CACNA2D3: variants seen among roughly 807,000 people sequenced by gnomAD.
CACNA2D3 encodes the protein calcium voltage-gated channel auxiliary subunit alpha2delta 3, also known as voltage-dependent calcium channel subunit alpha-2/delta-3.
CACNA2D3 carries 60 observed loss-of-function variants against 160.6 expected under a neutral mutation model. The ratio of observed to expected loss-of-function variants is 0.37; its 90% CI spans 0.30 to 0.46. CACNA2D3 has a LOEUF of 0.46. CACNA2D3 is among the 20% of genes least tolerant of loss of function. The probability of loss-of-function intolerance (pLI) is 1.00; values close to 1 mark genes in which losing one functional copy is unlikely to be tolerated. For missense variants in CACNA2D3, 1,205 were observed against 1,365.0 expected (o/e 0.88, Z 1.85); for synonymous variants, 558 against 492.9 (o/e 1.13, Z -1.75).
chr3:54,982,325 A>T (rs937729011), intron 29 of CACNA2D3, among the ~76,000 whole-genome samples: 5 of 152,168 alleles, frequency 3.3e-5, no homozygotes, highest in African/African-American at 4.8e-5. Flanking sequence ...TTGATCAAGC[A>T]TCTTTGCCTT....
intron 10 of CACNA2D3, among the ~76,000 whole-genome samples, chr3:54,640,231 G>C (rs1343617600): frequency 1.3e-5 from 2 of 152,202 alleles, no homozygotes; most frequent in Non-Finnish European, 2.9e-5. Context: ...GAAGCTAAGT[G>C]AGGGAAGAGA....
chr3:54,681,655 T>A lies in CACNA2D3; in HGVS notation c.1167+39414T>A, dbSNP rs146424379. 1.1e-4 allele frequency among the ~76,000 whole-genome samples: 16 copies of A among 152,202 alleles called. No homozygotes were observed. In the East Asian group the frequency reaches 3.1e-3, roughly 29 times the overall value. The stretch of plus-strand genomic sequence containing the variant: ...GTTGGATCTGTGGAGAAAAGTATTT[T>A]AACATTTAAATGTCTATGTGATGCA... On this transcript the variant is annotated intron_variant, in intron 11 of 37. Transcript: ENST00000474759.
chr3:54,738,315 A>G (rs1434141659), intron 11 of CACNA2D3, among the ~76,000 whole-genome samples: 1 of 152,176 alleles, frequency 6.6e-6, no homozygotes, highest in Non-Finnish European at 1.5e-5. Context: ...TTACTCTTCT[A>G]GGAAAAGCTC....
At chr3:54,478,989 C>G (rs1700888676) in intron 4 of CACNA2D3, among the ~76,000 whole-genome samples, 1 of 150,488 alleles carries the variant, frequency 6.6e-6, no homozygotes, top group Non-Finnish European at 1.5e-5. Flanking sequence ...TGGCTATATC[C>G]CCACCCAGAT....
chr3:54,503,093 C>T (rs1401492067), intron 4 of CACNA2D3, among the ~76,000 whole-genome samples: 2 of 152,210 alleles, frequency 1.3e-5, no homozygotes, highest in Non-Finnish European at 2.9e-5. Context: ...TTTTCCATAG[C>T]AAGCATGATG....
At position 54,677,741 on chromosome 3, in the gene CACNA2D3, C is replaced by G. The variant is rs1422505386; in HGVS notation, c.1167+35500C>G. 2.0e-5 allele frequency among the ~76,000 whole-genome samples: 3 copies of G among 151,652 alleles called. No homozygotes were observed. The South Asian group carries it at 6.2e-4, about 31-fold the overall frequency. ...AGTTGATTCATTATTTGGGTGGGAA[C>G]ATAGTCAAGTCTCTGAACCAAAGAG... On this transcript the variant is annotated intron_variant, in intron 11 of 37. Coordinates refer to ENST00000474759, the MANE Select transcript of CACNA2D3 (RefSeq NM_018398.3).
intron 18 of CACNA2D3, chr3:54,876,322 A>C (rs1424069661): frequency 1.3e-5 from 2 of 152,130 alleles, no homozygotes; most frequent in Non-Finnish European, 2.9e-5. Context: ...CTAAGATAAA[A>C]AAGTGACATT....
Position 54,463,396 on chromosome 3 carries a change from G to A in CACNA2D3, c.382-40096G>A, listed in dbSNP as rs143453391. The stretch of plus-strand genomic sequence containing the variant: ...TTTCCAACTTGGTTCCATTCTTCCC[G>A]TCACTTTCAGGTACAGCAATCACGT... On this transcript the variant is annotated intron_variant, in intron 4 of 37. Transcript: ENST00000474759. Among the ~76,000 whole-genome samples, 763 of 152,250 alleles carry A rather than the reference G, an allele frequency of 5.0e-3. 1 individual carries two copies. Among genetic ancestry groups the A allele is most frequent in the African/African-American group, 0.017 (722 of 41,554 alleles).
At chr3:54,976,373 C>T (rs1702391591) in intron 29 of CACNA2D3, among the ~76,000 whole-genome samples, 1 of 151,494 alleles carries the variant, frequency 6.6e-6, no homozygotes, top group African/African-American at 2.4e-5. Context: ...GGAGATATAC[C>T]TAATGCTAGA....
intron 2 of CACNA2D3, among the ~76,000 whole-genome samples, chr3:54,152,367 T>C (rs985076412): frequency 3.3e-5 from 5 of 152,216 alleles, no homozygotes; most frequent in African/African-American, 1.2e-4. Context: ...TCTTCTGATT[T>C]GATAGGACTT....
chr3:54,711,971 G>T (rs1700961558), intron 11 of CACNA2D3, among the ~76,000 whole-genome samples: 1 of 152,086 alleles, frequency 6.6e-6, no homozygotes, highest in South Asian at 2.1e-4. Flanking sequence ...GTGTTTTAAT[G>T]CAAGAAATAA....
intron 2 of CACNA2D3, among the ~76,000 whole-genome samples, chr3:54,266,372 C>T (rs770817627): frequency 5.3e-5 from 8 of 152,260 alleles, no homozygotes; most frequent in African/African-American, 1.9e-4. Context: ...AAATATGATG[C>T]GGCATCAAGG....
chr3:55,027,682 G>A (rs959823751), intron 35 of CACNA2D3, among the ~76,000 whole-genome samples: 4 of 152,170 alleles, frequency 2.6e-5, no homozygotes, highest in African/African-American at 4.8e-5. Flanking sequence ...ACACAATTCT[G>A]CAGCGTTTGG....
chr3:55,067,752 C>CATACATAA, intron 35 of CACNA2D3, among the ~76,000 whole-genome samples: 1 of 151,954 alleles, frequency 6.6e-6, no homozygotes, highest in South Asian at 2.1e-4. Flanking sequence ...TACATAAAGA[C>CATACATAA]AGAGCGATAG....
chr3:54,757,429 T>C (rs1211677692), intron 12 of CACNA2D3, among the ~76,000 whole-genome samples: 1 of 152,210 alleles, frequency 6.6e-6, no homozygotes, highest in African/African-American at 2.4e-5. Flanking sequence ...AACCTCATTA[T>C]ATCTTTCCAC....
chr3:55,029,075 G>A (rs893391045), intron 35 of CACNA2D3, among the ~76,000 whole-genome samples: 4 of 152,130 alleles, frequency 2.6e-5, no homozygotes, highest in African/African-American at 9.7e-5. Context: ...AAGCTGGGTG[G>A]GCAATTTACC....
intron 11 of CACNA2D3, among the ~76,000 whole-genome samples, chr3:54,660,739 G>C (rs964081270): frequency 3.3e-5 from 5 of 152,126 alleles, no homozygotes; most frequent in African/African-American, 1.2e-4. Flanking sequence ...CTGCAGCCCA[G>C]CACGCCAGGC....
At chr3:54,528,514 C>T (rs1350678341) in intron 5 of CACNA2D3, among the ~76,000 whole-genome samples, 1 of 152,092 alleles carries the variant, frequency 6.6e-6, no homozygotes. Flanking sequence ...ATGGAAATGC[C>T]CCTCTTGTAC....
intron 3 of CACNA2D3, among the ~76,000 whole-genome samples, chr3:54,367,215 A>G (rs1698841565): frequency 6.6e-6 from 1 of 152,178 alleles, no homozygotes; most frequent in African/African-American, 2.4e-5. Flanking sequence ...CTACAGGATT[A>G]ACCAATATTT....
Sources: gnomAD v4.1 joint callset for allele counts (sites outside exome capture counted in the v4.1 genomes callset) on GRCh38, gnomAD v4.1.1 for gene constraint, MANE v1.5 for transcripts, NCBI Gene and HGNC (gene_info 2026-07-23, HGNC 2026-07-21) for gene names.